Variants in PUM3 observed in about 807,000 individuals in gnomAD.
The protein encoded by PUM3 is pumilio homolog 3.
In PUM3, 91 loss-of-function variants were observed where a neutral mutation model predicts 84.0. That is an observed-to-expected ratio of 1.08 (90% CI 0.91 to 1.29). PUM3 has a LOEUF of 1.29. PUM3 is among the 50% of genes most tolerant of loss of function. PUM3 has a pLI of 0.00. For missense variants in PUM3, 1,067 were observed against 767.5 expected (o/e 1.39, Z -4.61); for synonymous variants, 321 against 266.7 (o/e 1.20, Z -1.98).
At chr9:2,829,724 G>A (rs375292051) in intron 8 of PUM3, 50 bp downstream of exon 8, 1 of 1,499,606 alleles carries the variant, frequency 6.7e-7, no homozygotes, top group South Asian at 1.2e-5. Context: ...AGTTAAGGAA[G>A]AGCATATCGA....
chr9:2,830,345 G>T (rs1257031843), intron 7 of PUM3, among the ~76,000 whole-genome samples: 3 of 152,060 alleles, frequency 2.0e-5, no homozygotes, highest in African/African-American at 7.2e-5. Context: ...TTTTGTTGTT[G>T]ATTATCATAT....
intron 16 of PUM3, among the ~76,000 whole-genome samples, chr9:2,809,266 A>G (rs1171469269): frequency 6.6e-6 from 1 of 152,210 alleles, no homozygotes; most frequent in Admixed American, 6.5e-5. Flanking sequence ...ATACGACAAG[A>G]CAAACACATC....
At chr9:2,834,252 T>A in intron 3 of PUM3, 86 bp from the exon 4 acceptor site, 1 of 1,165,956 alleles carries the variant, frequency 8.6e-7, no homozygotes, top group Non-Finnish European at 1.2e-6. Flanking sequence ...GGGCAATCAC[T>A]AATCAGGATC....
intron 12 of PUM3, among the ~76,000 whole-genome samples, chr9:2,821,319 C>T (rs550396827): frequency 6.6e-6 from 1 of 151,858 alleles, no homozygotes; most frequent in East Asian, 1.9e-4. Flanking sequence ...TGGTGGGCGC[C>T]TGTAGTCCCA....
Position 2,819,501 on chromosome 9 carries a change from T to A in PUM3, c.1269+517A>T, listed in dbSNP as rs141009067. On this transcript the variant is annotated intron_variant, in intron 13 of 17. Coordinates refer to ENST00000397885, the MANE Select transcript of PUM3 (RefSeq NM_014878.5). ...CAAAAGCTCTAAGAAGCATCACAAC[T>A]GAGTGAGTTTTGTACATTTCTCTTC... 4.5e-3 allele frequency among the ~76,000 whole-genome samples: 684 copies of A among 152,336 alleles called. 6 individuals are homozygous for A. The highest frequency in any genetic ancestry group is 0.02 in the South Asian group (98 of 4,832).
At chr9:2,824,849 G>A (rs371011784) in intron 10 of PUM3, 34 bp from the exon 11 acceptor site, 86 of 1,394,760 alleles carry the variant, frequency 6.2e-5, no homozygotes, top group South Asian at 1.6e-4. Context: ...ACAGGGCTCT[G>A]CTTTATTTTC....
chr9:2,814,417 G>C (rs1034567451), intron 13 of PUM3, among the ~76,000 whole-genome samples: 8 of 152,038 alleles, frequency 5.3e-5, no homozygotes, highest in Non-Finnish European at 1.5e-5. Context: ...CGCCATGTTG[G>C]CCAGGCTGGT....
At chr9:2,817,428 A>G (rs544467326) in intron 13 of PUM3, among the ~76,000 whole-genome samples, 1 of 152,346 alleles carries the variant, frequency 6.6e-6, no homozygotes, top group African/African-American at 2.4e-5. Flanking sequence ...ATAGGACCAT[A>G]TATACCCCAC....
At position 2,804,473 on chromosome 9, in the gene PUM3, G is replaced by A; in HGVS notation, c.1815-10C>T. On this transcript the variant is annotated splice_polypyrimidine_tract_variant and intron_variant, in intron 17 of 17. Coordinates refer to ENST00000397885, the MANE Select transcript of PUM3 (RefSeq NM_014878.5). ...ACAACTCTGGAGGAGGCTGAAGAGA[G>A]GAAAAAAATTAAATTTCATAAGCAT... 1.2e-6 allele frequency: 2 copies of A among 1,601,922 alleles called. No individual in the cohort carries two copies. Among genetic ancestry groups the A allele is most frequent in the Non-Finnish European group, 1.7e-6 (2 of 1,175,718 alleles).
chr9:2,832,751 C>A (rs893472465), intron 5 of PUM3, among the ~76,000 whole-genome samples: 3 of 152,144 alleles, frequency 2.0e-5, no homozygotes, highest in African/African-American at 7.2e-5. Flanking sequence ...CTGGTTAGAC[C>A]TATGCATCTG....
intron 3 of PUM3, among the ~76,000 whole-genome samples, chr9:2,836,265 G>A (rs1281217626): frequency 2.6e-5 from 4 of 152,102 alleles, no homozygotes; most frequent in African/African-American, 4.8e-5. Flanking sequence ...GGTCTCAGCT[G>A]GCAACAAAGG....
intron 13 of PUM3, among the ~76,000 whole-genome samples, chr9:2,816,847 C>T (rs1821480703): frequency 6.6e-6 from 1 of 152,236 alleles, no homozygotes; most frequent in South Asian, 2.1e-4. Context: ...TACACTAGAG[C>T]TTAGTCTTAA....
intron 3 of PUM3, among the ~76,000 whole-genome samples, chr9:2,835,097 C>T (rs1379890372): frequency 2.6e-5 from 4 of 151,998 alleles, no homozygotes; most frequent in African/African-American, 9.7e-5. Flanking sequence ...GCTTCTTCTC[C>T]ATACATGTTT....
At chr9:2,838,357 A>T in intron 2 of PUM3, 69 bp downstream of exon 2, 2 of 1,035,418 alleles carry the variant, frequency 1.9e-6, no homozygotes, top group Non-Finnish European at 3.1e-6. Flanking sequence ...ATACAGATTG[A>T]AATTTACTAC....
chr9:2,834,850 T>G lies in PUM3; in HGVS notation c.305-684A>C, dbSNP rs187050611. 3.5e-4 allele frequency among the ~76,000 whole-genome samples: 53 copies of G among 152,276 alleles called. 2 individuals carry two copies. In the East Asian group the frequency reaches 9.1e-3, roughly 26 times the overall value. On this transcript the variant is annotated intron_variant, in intron 3 of 17. Transcript: ENST00000397885. ...AGTCGAATATCTATCACCACTTTTT[T>G]GTCTTCAAAATCCAAGTAACTTACC...
Position 2,812,334 on chromosome 9 carries a change from A to C in PUM3, c.1298T>G (p.Val433Gly). 1 of 1,590,192 alleles carries C rather than the reference A, an allele frequency of 6.3e-7. No homozygotes were observed. The highest frequency in any genetic ancestry group is 8.6e-7 in the Non-Finnish European group (1 of 1,158,592). ...GACCTTCCTTCCATATTTGTCATTTACTATGCTAGGCAATGAACTGATAAT... is the reference window on the plus strand; with the variant it reads ...GACCTTCCTTCCATATTTGTCATTTCCTATGCTAGGCAATGAACTGATAAT... ...SEIISSLPSI[V>G]NDKYGRKVLL... The change falls in exon 14 of 18, where the codon GTA becomes GGA. Residue 433 changes from valine to glycine, a missense_variant. Coordinates refer to ENST00000397885, the MANE Select transcript of PUM3 (RefSeq NM_014878.5).
At chr9:2,818,246 C>T (rs1215842054) in intron 13 of PUM3, among the ~76,000 whole-genome samples, 2 of 152,198 alleles carry the variant, frequency 1.3e-5, no homozygotes, top group African/African-American at 2.4e-5. Context: ...ACCTGTTGAA[C>T]GTTTGTCAGT....
chr9:2,839,936 T>C (rs1306097415), intron 1 of PUM3, among the ~76,000 whole-genome samples: 2 of 152,256 alleles, frequency 1.3e-5, no homozygotes, highest in Non-Finnish European at 2.9e-5. Context: ...AACATACAGT[T>C]AACTAAGCTA....
intron 17 of PUM3, among the ~76,000 whole-genome samples, chr9:2,806,459 A>G (rs987337941): frequency 1.3e-5 from 2 of 151,944 alleles, no homozygotes; most frequent in African/African-American, 4.9e-5. Flanking sequence ...AATAACATTT[A>G]CAAACAACAT....
Sources: allele counts gnomAD v4.1 joint callset (sites outside exome capture counted in the v4.1 genomes callset), GRCh38; gene constraint gnomAD v4.1.1; transcripts MANE v1.5; gene names NCBI Gene and HGNC (gene_info 2026-07-23, HGNC 2026-07-21).